RNF111: variants seen among roughly 807,000 people sequenced by gnomAD.
The protein encoded by RNF111 is ring finger protein 111.
In RNF111, 17 loss-of-function variants were observed where a neutral mutation model predicts 95.1. The observed-to-expected ratio is 0.18, with a 90% CI of 0.12 to 0.27. The LOEUF (loss-of-function observed/expected upper bound fraction) is 0.27. RNF111 is among the 10% of genes least tolerant of loss of function. The probability of loss-of-function intolerance (pLI) is 1.00; values close to 1 mark genes in which losing one functional copy is unlikely to be tolerated. For missense variants in RNF111, 1,189 were observed against 1,210.4 expected, an observed-to-expected ratio of 0.98 and a Z score of 0.26; for synonymous variants, 440 against 414.8, an observed-to-expected ratio of 1.06 and a Z score of -0.74.
At chr15:58,988,804 GTGT>G (rs763718234) in intron 1 of RNF111, among the ~76,000 whole-genome samples, 11 of 152,200 alleles carry the variant, frequency 7.2e-5, no homozygotes, top group Admixed American at 2.0e-4. Flanking sequence ...TGACTCCATT[GTGT>G]TGTTGTAAGC....
chr15:59,031,073 A>G lies in RNF111; in HGVS notation c.251A>G (p.Glu84Gly). 6.2e-7 allele frequency: 1 copy of G among 1,614,290 alleles called. No individual in the cohort carries two copies. ...QEKEMNGNQQ[E>G]QEKSLVVRKK... The stretch of plus-strand genomic sequence containing the variant: ...AAGGAAATGAATGGTAACCAGCAAG[A>G]ACAAGAAAAAAGTCTCGTTGTGAGG... The change falls in exon 2 of 14, where the codon GAA becomes GGA. Residue 84 changes from glutamate (E) to glycine (G), a missense_variant. Glu to Gly is a moderately conservative substitution (Grantham distance 98). Transcript: ENST00000348370.
chr15:59,076,395 T>A (rs917970082), intron 7 of RNF111, among the ~76,000 whole-genome samples, 180 bp downstream of exon 7: 1 of 152,250 alleles, frequency 6.6e-6, no homozygotes, highest in Non-Finnish European at 1.5e-5. Context: ...ATGGAAGTTT[T>A]AAGGAATTTA....
chr15:59,070,507 TA>T (rs2042870178), intron 6 of RNF111, among the ~76,000 whole-genome samples: 1 of 152,134 alleles, frequency 6.6e-6, no homozygotes. Flanking sequence ...ATTTGAACCA[TA>T]AACATAAATT....
chr15:59,082,536 A>T (rs2078776027), intron 8 of RNF111, among the ~76,000 whole-genome samples: 1 of 152,228 alleles, frequency 6.6e-6, no homozygotes, highest in Non-Finnish European at 1.5e-5. Flanking sequence ...TATTCAGATC[A>T]GCAAACTATT....
At chr15:59,066,183 G>T (rs555758380) in intron 5 of RNF111, among the ~76,000 whole-genome samples, 1 of 152,282 alleles carries the variant, frequency 6.6e-6, no homozygotes, top group East Asian at 1.9e-4. Context: ...ATCATTTACT[G>T]TGCCATAGGA....
Position 59,033,441 on chromosome 15 carries a change from TGA to T in RNF111, c.880+1743_880+1744del, listed in dbSNP as rs1356273101. Among the ~76,000 whole-genome samples the T allele has an allele frequency of 2.0e-5, 3 of 152,142 alleles. No individual in the cohort carries two copies. The East Asian group carries it at 5.8e-4, about 29-fold the overall frequency. Reference sequence around the variant, plus strand: ...TTCATTTTGATCATGTACAGCCAGGTGAGAGGAGTGTAGAATAACCATTGCCA... The same window carrying T: ...TTCATTTTGATCATGTACAGCCAGGTGAGGAGTGTAGAATAACCATTGCCA... On this transcript the variant is annotated intron_variant, in intron 2 of 13. Coordinates refer to ENST00000348370, the MANE Select transcript of RNF111 (RefSeq NM_017610.8).
intron 1 of RNF111, among the ~76,000 whole-genome samples, chr15:59,028,929 C>T (rs1025121215): frequency 3.3e-5 from 5 of 151,786 alleles, no homozygotes; most frequent in African/African-American, 7.3e-5. Flanking sequence ...ACAGTCAGTG[C>T]GCCACTATCC....
intron 1 of RNF111, among the ~76,000 whole-genome samples, chr15:59,001,928 TA>T (rs1261759522): frequency 4.6e-5 from 7 of 152,086 alleles, no homozygotes; most frequent in African/African-American, 1.2e-4. Context: ...CAATAACTAA[TA>T]AAAAAATTTA....
At chr15:59,016,338 T>A (rs1277453554) in intron 1 of RNF111, among the ~76,000 whole-genome samples, 1 of 151,830 alleles carries the variant, frequency 6.6e-6, no homozygotes, top group Non-Finnish European at 1.5e-5. Flanking sequence ...CCCAGCTGAT[T>A]TCTGTATTTT....
At position 59,076,127 on chromosome 15, in the gene RNF111, C is replaced by G; in HGVS notation, c.1860C>G (p.Gly620=). ...APSQPLSSID[G]YGSSMVAQPQ... ...GTCAACCTTTATCATCAATAGATGG[C>G]TATGGATCAAGCATGGTTGCGCAGC... Residue 620 remains glycine, a synonymous_variant, in exon 7 of 14, where the codon GGC becomes GGG. Transcript: ENST00000348370. 1.2e-6 allele frequency: 2 copies of G among 1,614,150 alleles called. No homozygotes were observed. The highest frequency in any genetic ancestry group is 1.1e-5 in the South Asian group (1 of 91,088).
intron 1 of RNF111, among the ~76,000 whole-genome samples, chr15:59,003,430 G>C (rs1382219888): frequency 6.7e-6 from 1 of 150,126 alleles, no homozygotes. Flanking sequence ...ACAGAGTCTG[G>C]CTCTGTTGCT....
In RNF111 at chr15:59,047,608, C is replaced by T. The variant is rs570263472; in HGVS notation, c.881-4697C>T. The stretch of plus-strand genomic sequence containing the variant: ...TATTATGTTTTGAGACAAGGTCTGG[C>T]TCTGTTGCCCAGGCTGGAGTGCAGT... On this transcript the variant is annotated intron_variant, in intron 2 of 13. Coordinates refer to ENST00000348370, the MANE Select transcript of RNF111 (RefSeq NM_017610.8). 4.7e-4 allele frequency among the ~76,000 whole-genome samples: 71 copies of T among 152,224 alleles called. 2 individuals are homozygous for T. The East Asian group carries it at 0.013, about 28-fold the overall frequency.
chr15:58,993,611 ATTTCG>A (rs1386983043), intron 1 of RNF111, among the ~76,000 whole-genome samples: 5 of 152,182 alleles, frequency 3.3e-5, no homozygotes, highest in African/African-American at 1.2e-4. Context: ...AAAATACAGT[ATTTCG>A]TTTCTATTTG....
Position 59,031,449 on chromosome 15 carries a change from A to G in RNF111, c.627A>G (p.Arg209=), listed in dbSNP as rs2040902117. Residue 209 remains arginine (R), a synonymous_variant, in exon 2 of 14, where the codon AGA becomes AGG. Coordinates refer to ENST00000348370, the MANE Select transcript of RNF111 (RefSeq NM_017610.8). ...GTTTACATGGCAGTTCGTTACGGAG[A>G]CTTCCATGCAGAAAGAGATTTGTAA... ...RPCLHGSSLR[R]LPCRKRFVKN... 6.2e-7 allele frequency: 1 copy of G among 1,614,094 alleles called. No individual in the cohort carries two copies. Among genetic ancestry groups the G allele is most frequent in the Non-Finnish European group, 8.5e-7 (1 of 1,180,048 alleles).
chr15:59,056,243 A>C (rs1456158071), intron 4 of RNF111, among the ~76,000 whole-genome samples: 1 of 152,132 alleles, frequency 6.6e-6, no homozygotes, highest in East Asian at 1.9e-4. Context: ...GAAATGTCTA[A>C]CTTTACTTTT....
intron 6 of RNF111, among the ~76,000 whole-genome samples, chr15:59,070,907 A>G (rs538416118): frequency 3.9e-5 from 6 of 152,344 alleles, no homozygotes; most frequent in Admixed American, 3.3e-4. Flanking sequence ...CAGTTGCTGT[A>G]TATAATTCCA....
At chr15:59,080,176 A>G (rs2078697702) in intron 7 of RNF111, among the ~76,000 whole-genome samples, 1 of 128,598 alleles carries the variant, frequency 7.8e-6, no homozygotes, top group African/African-American at 3.1e-5. Context: ...GCTGGGGTGC[A>G]GTGGCATGAT....
intron 6 of RNF111, among the ~76,000 whole-genome samples, chr15:59,069,628 C>T (rs2042820847): frequency 6.6e-6 from 1 of 152,086 alleles, no homozygotes; most frequent in African/African-American, 2.4e-5. Context: ...TGAGAAGAAT[C>T]AGCAGGATCA....
intron 1 of RNF111, among the ~76,000 whole-genome samples, chr15:59,028,336 G>A (rs2040728182): frequency 6.6e-6 from 1 of 152,036 alleles, no homozygotes; most frequent in South Asian, 2.1e-4. Context: ...TGTCCAAGGG[G>A]AAACCATTCT....
Sources: gnomAD v4.1 joint callset for allele counts (sites outside exome capture counted in the v4.1 genomes callset) on GRCh38, gnomAD v4.1.1 for gene constraint, MANE v1.5 for transcripts, NCBI Gene and HGNC (gene_info 2026-07-23, HGNC 2026-07-21) for gene names.